RASA1: variants seen among roughly 807,000 people sequenced by gnomAD.
RASA1 encodes RAS p21 protein activator 1, also known as ras GTPase-activating protein 1.
Under a neutral mutation model 132.2 loss-of-function variants are expected in RASA1, and 25 were observed. The observed-to-expected ratio is 0.19, with a 90% CI of 0.14 to 0.26. The LOEUF is 0.26. RASA1 is among the 10% of genes least tolerant of loss of function. The pLI is 1.00. For missense variants in RASA1, 964 were observed against 1,299.2 expected (o/e 0.74, Z 3.97); for synonymous variants, 477 against 449.9 (o/e 1.06, Z -0.76).
chr5:87,323,422 G>A (rs1217708303), intron 1 of RASA1, among the ~76,000 whole-genome samples: 1 of 152,102 alleles, frequency 6.6e-6, no homozygotes, highest in African/African-American at 2.4e-5. Context: ...GGAGAGAGTG[G>A]ATAATGCCTG....
intron 9 of RASA1, among the ~76,000 whole-genome samples, chr5:87,353,460 G>A (rs904045710): frequency 2.0e-5 from 3 of 151,950 alleles, no homozygotes; most frequent in Non-Finnish European, 4.4e-5. Flanking sequence ...AGAAGCAGTC[G>A]TGGAGGAAGG....
At chr5:87,323,799 C>T (rs1280103862) in intron 1 of RASA1, among the ~76,000 whole-genome samples, 5 of 151,742 alleles carry the variant, frequency 3.3e-5, no homozygotes, top group African/African-American at 1.2e-4. Flanking sequence ...TTTTCCAAGT[C>T]AGTTGCCATT....
chr5:87,269,210 A>G, intron 1 of RASA1: 1 of 1,579,718 alleles, frequency 6.3e-7, no homozygotes, highest in Non-Finnish European at 8.6e-7. Flanking sequence ...GGGAAAGTGT[A>G]AAGTCTTTAA....
rs1757679644 is a variant in RASA1, at chr5:87,332,582, C to T, written c.768C>T (p.Tyr256=). ...FSSLSDLIGY[Y]SHVSCLLKGE... ...CACTGTCAGACCTAATAGGTTATTA[C>T]AGTCATGTTTCTTGTTTGCTTAAAG... Residue 256 remains tyrosine (Y), a synonymous_variant, in exon 3 of 25, where the codon TAC becomes TAT. Transcript: ENST00000274376. The T allele has an allele frequency of 1.2e-6, 2 of 1,609,620 alleles. No homozygotes were observed. The highest frequency in any genetic ancestry group is 1.3e-5 in the African/African-American group (1 of 74,764).
intron 9 of RASA1, among the ~76,000 whole-genome samples, chr5:87,355,256 G>A (rs751275627): frequency 5.9e-5 from 9 of 152,124 alleles, no homozygotes; most frequent in Non-Finnish European, 1.2e-4. Flanking sequence ...GCTTGGCTTC[G>A]AAGCTTCAAA....
At position 87,383,644 on chromosome 5, in the gene RASA1, T is replaced by C. The variant is rs1761877602; in HGVS notation, c.2691-69T>C. ...GTACTAAAAATTCTGTTTATATATA[T>C]TGTTTTAATGTAACACATTATATAG... On this transcript the variant is annotated intron_variant, in intron 20 of 24. Coordinates refer to ENST00000274376, the MANE Select transcript of RASA1 (RefSeq NM_002890.3). 2.5e-6 allele frequency: 3 copies of C among 1,186,078 alleles called. No homozygotes were observed. In the African/African-American group the frequency reaches 4.7e-5, roughly 19 times the overall value. 73.5% of individuals were successfully genotyped at this position (1,186,078 alleles called of 1,614,324 possible).
At chr5:87,304,471 T>C (rs541764255) in intron 1 of RASA1, among the ~76,000 whole-genome samples, 1 of 137,336 alleles carries the variant, frequency 7.3e-6, no homozygotes, top group Non-Finnish European at 1.6e-5. Flanking sequence ...TATTATACAC[T>C]TTTTTTTTTT....
intron 1 of RASA1, among the ~76,000 whole-genome samples, chr5:87,303,587 T>G (rs1252987190): frequency 6.6e-6 from 1 of 152,040 alleles, no homozygotes; most frequent in Non-Finnish European, 1.5e-5. Flanking sequence ...ACTTTTACAG[T>G]TTTTCTAGGG....
chr5:87,271,475 TTTTTTTTTTG>T (rs1753834982), intron 1 of RASA1, among the ~76,000 whole-genome samples: 2 of 132,892 alleles, frequency 1.5e-5, no homozygotes, highest in East Asian at 6.4e-4. Flanking sequence ...TTTTTTTTTT[TTTTTTTTTTG>T]AGAGATGGAG....
At chr5:87,358,922 T>C (rs1759862960) in intron 9 of RASA1, among the ~76,000 whole-genome samples, 1 of 149,800 alleles carries the variant, frequency 6.7e-6, no homozygotes, top group Non-Finnish European at 1.5e-5. Context: ...TTTCAAGTTT[T>C]TGCTCAAAAT....
intron 1 of RASA1, among the ~76,000 whole-genome samples, chr5:87,317,558 T>C (rs1421398422): frequency 1.3e-5 from 2 of 152,208 alleles, no homozygotes; most frequent in Admixed American, 1.3e-4. Flanking sequence ...ACATTGTGTT[T>C]CCACCTATCT....
intron 1 of RASA1, among the ~76,000 whole-genome samples, chr5:87,287,071 CCA>C (rs1491560608): frequency 7.1e-6 from 1 of 141,620 alleles, no homozygotes; most frequent in East Asian, 2.0e-4. Flanking sequence ...TATATACACA[CCA>C]TATATACACA....
chr5:87,332,479 T>TAG lies in RASA1; in HGVS notation c.693-27_693-26insGA, dbSNP rs1350334624. ...TTAAAATTGGCTGTAAAGATTTTTTTATACTGTATTTTTTCCTGTTCAAAT... is the reference window on the plus strand; with the variant it reads ...TTAAAATTGGCTGTAAAGATTTTTTTAGATACTGTATTTTTTCCTGTTCAAAT... On this transcript the variant is annotated intron_variant, in intron 2 of 24. Transcript: ENST00000274376. 2.5e-6 allele frequency: 4 copies of TAG among 1,584,592 alleles called. No homozygotes were observed. In the Admixed American group the frequency reaches 5.1e-5, roughly 20 times the overall value.
At chr5:87,354,357 C>CA (rs530414486) in intron 9 of RASA1, among the ~76,000 whole-genome samples, 4 of 152,046 alleles carry the variant, frequency 2.6e-5, no homozygotes, top group Non-Finnish European at 5.9e-5. Flanking sequence ...GTCTTAGTGT[C>CA]ACATTTTGGT....
At chr5:87,269,241 GT>G in intron 1 of RASA1, 2 of 1,546,352 alleles carry the variant, frequency 1.3e-6, no homozygotes, top group Non-Finnish European at 1.7e-6. Context: ...ATGAGAAAAT[GT>G]GTATCTAATG....
chr5:87,270,455 C>G (rs1319833060), intron 1 of RASA1, among the ~76,000 whole-genome samples: 1 of 149,626 alleles, frequency 6.7e-6, no homozygotes. Flanking sequence ...TCAAGAGATT[C>G]TCCTGCTTCA....
intron 12 of RASA1, among the ~76,000 whole-genome samples, chr5:87,371,283 T>G (rs1224934609): frequency 6.6e-6 from 1 of 152,082 alleles, no homozygotes; most frequent in Non-Finnish European, 1.5e-5. Context: ...TCTCTTCTAT[T>G]TCAAAAAGCT....
intron 1 of RASA1, among the ~76,000 whole-genome samples, chr5:87,298,630 T>C (rs1360649262): frequency 6.6e-6 from 1 of 152,178 alleles, no homozygotes; most frequent in African/African-American, 2.4e-5. Context: ...TATTTGATAA[T>C]GTTTTTTTAT....
intron 1 of RASA1, among the ~76,000 whole-genome samples, chr5:87,312,176 T>C (rs1755967775): frequency 2.0e-5 from 3 of 152,232 alleles, no homozygotes; most frequent in Admixed American, 2.0e-4. Flanking sequence ...AATGTTATTA[T>C]ACATGTGGTC....
Sources: gnomAD v4.1 joint callset for allele counts (sites outside exome capture counted in the v4.1 genomes callset) on GRCh38, gnomAD v4.1.1 for gene constraint, MANE v1.5 for transcripts, NCBI Gene and HGNC (gene_info 2026-07-23, HGNC 2026-07-21) for gene names.